The following COL14A1 variants were observed in gnomAD, a reference collection of about 807,000 sequenced individuals.
The protein encoded by COL14A1 is collagen type XIV alpha 1 chain.
In COL14A1, 136 loss-of-function variants were observed where a neutral mutation model predicts 230.3. That is an observed-to-expected ratio of 0.59 (90% CI 0.51 to 0.68). The LOEUF (loss-of-function observed/expected upper bound fraction) is 0.68. Ranked by LOEUF, COL14A1 falls within the 30% of genes least tolerant of loss-of-function variation. COL14A1 has a pLI of 0.00. For missense variants in COL14A1, 1,976 were observed against 2,215.8 expected, an observed-to-expected ratio of 0.89 and a Z score of 2.17; for synonymous variants, 792 against 784.1, an observed-to-expected ratio of 1.01 and a Z score of -0.17.
intron 40 of COL14A1, among the ~76,000 whole-genome samples, chr8:120,323,904 G>A (rs984373246): frequency 6.6e-6 from 1 of 152,128 alleles, no homozygotes; most frequent in Non-Finnish European, 1.5e-5. Flanking sequence ...GTAAGAATGA[G>A]ATAATGTCCT....
intron 12 of COL14A1, among the ~76,000 whole-genome samples, chr8:120,212,226 A>G (rs1817633646): frequency 6.6e-6 from 1 of 152,242 alleles, no homozygotes; most frequent in Admixed American, 6.5e-5. Context: ...ATCCTAACAC[A>G]GTTCACATGG....
chr8:120,298,395 A>T (rs966574945), intron 35 of COL14A1, among the ~76,000 whole-genome samples: 1 of 151,566 alleles, frequency 6.6e-6, no homozygotes, highest in African/African-American at 2.4e-5. Flanking sequence ...CATAATCTAC[A>T]TAACCTATAT....
intron 45 of COL14A1, among the ~76,000 whole-genome samples, chr8:120,358,674 A>C: frequency 6.6e-6 from 1 of 151,666 alleles, no homozygotes; most frequent in South Asian, 2.1e-4. Flanking sequence ...GAGAGAGAGA[A>C]AGAAACTCCT....
rs1367323122 is a variant in COL14A1 at position 120,144,623 on chromosome 8, ATT to A, written c.-37-3182_-37-3181del. ...TATTTCAGGCATCCCTAGCAAAATA[ATT>A]GTTTTTAAACTACTAACCTATACAG... On this transcript the variant is annotated intron_variant, in intron 1 of 47. Coordinates refer to ENST00000297848, the MANE Select transcript of COL14A1 (RefSeq NM_021110.4). Among the ~76,000 whole-genome samples, 5 of 152,190 alleles carry A rather than the reference ATT, an allele frequency of 3.3e-5. No individual in the cohort carries two copies. The East Asian group carries it at 9.6e-4, about 29-fold the overall frequency.
At chr8:120,357,703 C>T (rs1421503626) in intron 45 of COL14A1, among the ~76,000 whole-genome samples, 6 of 152,108 alleles carry the variant, frequency 3.9e-5, no homozygotes, top group South Asian at 2.1e-4. Flanking sequence ...AGCAGTATGA[C>T]GTCTACAGTG....
intron 34 of COL14A1, 129 bp downstream of exon 34, chr8:120,289,895 G>A: frequency 2.4e-5 from 18 of 764,236 alleles, no homozygotes; most frequent in Non-Finnish European, 2.9e-5. Flanking sequence ...TGAATGAATG[G>A]ATGGATGGAT....
intron 1 of COL14A1, among the ~76,000 whole-genome samples, chr8:120,127,418 T>A (rs1412611494): frequency 6.6e-6 from 1 of 152,146 alleles, no homozygotes; most frequent in Non-Finnish European, 1.5e-5. Flanking sequence ...TTGGAACCCA[T>A]CAGGATTCCT....
At chr8:120,150,004 G>A (rs191732909) in intron 2 of COL14A1, among the ~76,000 whole-genome samples, 6 of 152,196 alleles carry the variant, frequency 3.9e-5, no homozygotes, top group African/African-American at 1.2e-4. Flanking sequence ...ACCAAATTCT[G>A]TTTTAAGTGA....
intron 40 of COL14A1, among the ~76,000 whole-genome samples, chr8:120,321,780 C>A (rs1821456527): frequency 6.6e-6 from 1 of 152,148 alleles, no homozygotes; most frequent in African/African-American, 2.4e-5. Flanking sequence ...GGTAAACCAG[C>A]AGTTTCCTAA....
At chr8:120,211,035 C>T (rs1041814171) in intron 12 of COL14A1, among the ~76,000 whole-genome samples, 1 of 152,034 alleles carries the variant, frequency 6.6e-6, no homozygotes, top group African/African-American at 2.4e-5. Context: ...TCTGATAATA[C>T]TGTGTATTCA....
At chr8:120,282,227 C>A (rs1350421910) in intron 31 of COL14A1, among the ~76,000 whole-genome samples, 1 of 152,144 alleles carries the variant, frequency 6.6e-6, no homozygotes, top group African/African-American at 2.4e-5. Context: ...AGTAAACTAT[C>A]GCAAGAACAA....
At chr8:120,143,670 A>C (rs534479735) in intron 1 of COL14A1, among the ~76,000 whole-genome samples, 4 of 152,062 alleles carry the variant, frequency 2.6e-5, no homozygotes, top group Admixed American at 2.0e-4. Flanking sequence ...TGGGATTTAA[A>C]TAAACAATAT....
chr8:120,351,514 G>A (rs1822776129), intron 45 of COL14A1, among the ~76,000 whole-genome samples: 1 of 82,584 alleles, frequency 1.2e-5, no homozygotes, highest in East Asian at 3.5e-4. Context: ...GAAAAAAAGA[G>A]AGAAGAATCA....
In COL14A1 at chr8:120,367,250, T is replaced by C; in HGVS notation, c.5155+2T>C. 1 of 1,603,842 alleles carries C rather than the reference T, an allele frequency of 6.2e-7. No individual in the cohort carries two copies. The highest frequency in any genetic ancestry group is 8.5e-7 in the Non-Finnish European group (1 of 1,176,418). On this transcript the variant is annotated splice_donor_variant, in intron 46 of 47. Coordinates refer to ENST00000297848, the MANE Select transcript of COL14A1 (RefSeq NM_021110.4). LOFTEE classifies it high-confidence loss of function. ...CAAGAGGCCCCCCTGGACCAGCAGG[T>C]AAATCTTCCTTCCTAACAAGAGACT...
Position 120,372,657 on chromosome 8 carries a change from T to G in COL14A1, c.*1426T>G, listed in dbSNP as rs1474248051. On this transcript the variant is annotated 3_prime_UTR_variant, in exon 48 of 48. Transcript: ENST00000297848. ...AGGAAAAGGCTAACACGAAGGATGG[T>G]GTCTGTCTGATCACCAGGTTCTCTT... Among the ~76,000 whole-genome samples, 1 of 152,106 alleles carries G rather than the reference T, an allele frequency of 6.6e-6. No individual in the cohort carries two copies. The highest frequency in any genetic ancestry group is 1.5e-5 in the Non-Finnish European group (1 of 68,032).
At chr8:120,128,534 A>G (rs1814429366) in intron 1 of COL14A1, among the ~76,000 whole-genome samples, 1 of 152,186 alleles carries the variant, frequency 6.6e-6, no homozygotes, top group East Asian at 1.9e-4. Flanking sequence ...CAAGAGTTCA[A>G]GGCCAGCATG....
intron 34 of COL14A1, among the ~76,000 whole-genome samples, chr8:120,292,842 A>G (rs1420596948): frequency 1.3e-5 from 2 of 152,096 alleles, no homozygotes; most frequent in Admixed American, 1.3e-4. Flanking sequence ...TTTTTAAACC[A>G]TAATTGAGTG....
chr8:120,290,780 G>C (rs1414803916), intron 34 of COL14A1, among the ~76,000 whole-genome samples: 11 of 152,186 alleles, frequency 7.2e-5, no homozygotes, highest in Non-Finnish European at 1.2e-4. Flanking sequence ...GATTTACTTT[G>C]GGGCACTTTG....
Position 120,266,875 on chromosome 8 carries a change from C to A in COL14A1, c.3065C>A (p.Ala1022Glu). Residue 1022 changes from alanine (A) to glutamate (E), a missense_variant, in exon 25 of 48, where the codon GCA becomes GAA. By Grantham distance (107) the Ala-to-Glu change is moderately radical. Transcript: ENST00000297848. ...PPTFPPTIPP[A>E]KEVCKAAKAD... ...ACTTTTCCTCCAACCATTCCACCAG[C>A]AAAAGAAGGTAAAAGAATAATAGAA... The A allele has an allele frequency of 1.2e-6, 2 of 1,610,578 alleles. No homozygotes were observed.
Sources: gnomAD v4.1 joint callset for allele counts (sites outside exome capture counted in the v4.1 genomes callset) on GRCh38, gnomAD v4.1.1 for gene constraint, MANE v1.5 for transcripts, NCBI Gene and HGNC (gene_info 2026-07-23, HGNC 2026-07-21) for gene names.